IGF2BP3: variants seen among roughly 807,000 people sequenced by gnomAD.
IGF2BP3 encodes the protein insulin-like growth factor 2 mRNA-binding protein 3.
IGF2BP3 carries 9 observed loss-of-function variants against 73.8 expected under a neutral mutation model. That is an observed-to-expected ratio of 0.12 (90% CI 0.07 to 0.21). The LOEUF is 0.21. IGF2BP3 is among the 10% of genes least tolerant of loss of function. The pLI is 1.00. For missense variants in IGF2BP3, 542 were observed against 714.0 expected (o/e 0.76, Z 2.75); for synonymous variants, 258 against 256.7 (o/e 1.01, Z -0.05).
At chr7:23,390,690 T>C (rs1225270292) in intron 3 of IGF2BP3, among the ~76,000 whole-genome samples, 19 of 152,138 alleles carry the variant, frequency 1.2e-4, no homozygotes, top group Admixed American at 1.2e-3. Context: ...AGCTTGTGTA[T>C]AGGCAGCACA....
Position 23,470,144 on chromosome 7 carries a change from G to GA in IGF2BP3, c.-35dup, listed in dbSNP as rs760359723. The stretch of plus-strand genomic sequence containing the variant: ...GTGGTTGTTTAAAAAAAAATAACGA[G>GA]AAAAAACGAAAAATTAAAACCACCC... On this transcript the variant is annotated 5_prime_UTR_variant, in exon 1 of 15. Coordinates refer to ENST00000258729, the MANE Select transcript of IGF2BP3 (RefSeq NM_006547.3). 8 of 1,550,518 alleles carry GA rather than the reference G, an allele frequency of 5.2e-6. No homozygotes were observed. The Admixed American group carries it at 1.4e-4, about 26-fold the overall frequency.
intron 7 of IGF2BP3, among the ~76,000 whole-genome samples, chr7:23,346,546 C>G (rs536428616): frequency 6.6e-6 from 1 of 151,768 alleles, no homozygotes; most frequent in African/African-American, 2.4e-5. Context: ...ATATATAAAA[C>G]TGTTTAAAAT....
At chr7:23,401,841 T>C (rs1446859747) in intron 3 of IGF2BP3, among the ~76,000 whole-genome samples, 1 of 151,864 alleles carries the variant, frequency 6.6e-6, no homozygotes, top group Non-Finnish European at 1.5e-5. Context: ...GGCTGAAACC[T>C]GTAAAGCCTG....
At chr7:23,429,556 T>C (rs1584034851) in intron 2 of IGF2BP3, among the ~76,000 whole-genome samples, 1 of 152,174 alleles carries the variant, frequency 6.6e-6, no homozygotes, top group Non-Finnish European at 1.5e-5. Flanking sequence ...CACAAAAAAG[T>C]ATAGATTGCA....
chr7:23,440,059 C>T (rs571502264), intron 2 of IGF2BP3, among the ~76,000 whole-genome samples: 2 of 152,158 alleles, frequency 1.3e-5, no homozygotes, highest in African/African-American at 2.4e-5. Flanking sequence ...GTCAGGAGAT[C>T]GAGACCATCC....
chr7:23,455,837 C>A (rs1446234921), intron 2 of IGF2BP3, among the ~76,000 whole-genome samples: 1 of 152,186 alleles, frequency 6.6e-6, no homozygotes, highest in East Asian at 1.9e-4. Context: ...AGGCGCCCGC[C>A]ACAACGCCCG....
chr7:23,367,056 G>A (rs1390938288), intron 3 of IGF2BP3, among the ~76,000 whole-genome samples: 1 of 143,086 alleles, frequency 7.0e-6, no homozygotes, highest in Non-Finnish European at 1.5e-5. Context: ...TTGGCTCACT[G>A]CAACCTCCGC....
intron 3 of IGF2BP3, among the ~76,000 whole-genome samples, chr7:23,408,283 T>C (rs1786910232): frequency 6.6e-6 from 1 of 152,194 alleles, no homozygotes; most frequent in Non-Finnish European, 1.5e-5. Context: ...AATAAAACTA[T>C]GCCCATTTGA....
chr7:23,455,695 T>TG (rs2128549832), intron 2 of IGF2BP3, among the ~76,000 whole-genome samples: 1 of 65,452 alleles, frequency 1.5e-5, no homozygotes, highest in East Asian at 2.1e-4. Flanking sequence ...GGTCTTACTA[T>TG]TTTTTTTGGA....
chr7:23,423,543 A>G (rs1227788459), intron 2 of IGF2BP3, among the ~76,000 whole-genome samples: 2 of 152,170 alleles, frequency 1.3e-5, no homozygotes, highest in African/African-American at 4.8e-5. Context: ...TAGGATGCAC[A>G]CTCCATAACA....
At chr7:23,429,135 G>T (rs1787603473) in intron 2 of IGF2BP3, among the ~76,000 whole-genome samples, 1 of 152,118 alleles carries the variant, frequency 6.6e-6, no homozygotes. Context: ...CATTAGATTG[G>T]TTATTGCTTC....
Position 23,345,927 on chromosome 7 carries a change from A to C in IGF2BP3, c.941+13T>G, listed in dbSNP as rs1366045429. 4 of 1,609,946 alleles carry C rather than the reference A, an allele frequency of 2.5e-6. No homozygotes were observed. Among genetic ancestry groups the C allele is most frequent in the Non-Finnish European group, 3.4e-6 (4 of 1,179,504 alleles). On this transcript the variant is annotated intron_variant, in intron 8 of 14. Coordinates refer to ENST00000258729, the MANE Select transcript of IGF2BP3 (RefSeq NM_006547.3). ...TGGAAAGTTTTCTTATTCAAAAGCA[A>C]AGGAGCACTCACGGAGATATCGTGA...
chr7:23,315,125 T>C (rs1301551187), intron 12 of IGF2BP3, among the ~76,000 whole-genome samples: 1 of 151,324 alleles, frequency 6.6e-6, no homozygotes, highest in Non-Finnish European at 1.5e-5. Context: ...TTTTTTATTT[T>C]TTTATTTTAT....
At chr7:23,364,297 C>T (rs1785309704) in intron 3 of IGF2BP3, among the ~76,000 whole-genome samples, 1 of 151,998 alleles carries the variant, frequency 6.6e-6, no homozygotes, top group East Asian at 1.9e-4. Flanking sequence ...CTGCTTGAAC[C>T]CAGGAGGCGG....
chr7:23,398,885 T>G (rs1198321175), intron 3 of IGF2BP3, among the ~76,000 whole-genome samples: 2 of 152,258 alleles, frequency 1.3e-5, no homozygotes, highest in Non-Finnish European at 2.9e-5. Context: ...TGGTAGTTTC[T>G]TTTGTTGTGC....
intron 2 of IGF2BP3, among the ~76,000 whole-genome samples, chr7:23,454,269 T>C (rs545386944): frequency 6.6e-6 from 1 of 152,208 alleles, no homozygotes; most frequent in Non-Finnish European, 1.5e-5. Context: ...TGATCTCTCC[T>C]AAGATAATTC....
chr7:23,452,825 C>T (rs1344077087), intron 2 of IGF2BP3, among the ~76,000 whole-genome samples: 1 of 142,464 alleles, frequency 7.0e-6, no homozygotes, highest in Admixed American at 7.2e-5. Context: ...AAGTGGGGGG[C>T]GCACAGGGCT....
chr7:23,434,016 T>A (rs1274385358), intron 2 of IGF2BP3, among the ~76,000 whole-genome samples: 1 of 150,466 alleles, frequency 6.6e-6, no homozygotes, highest in African/African-American at 2.5e-5. Flanking sequence ...AGGCAGAGGT[T>A]ACAGTGAGAC....
rs1788687354 is a variant in IGF2BP3 at position 23,470,316 on chromosome 7, GAGAA to G, written c.-210_-207del. ...TTCCTTGTCTAGATGTGTTTTAAAAGAGAAAGAAAAGAAAAAGCCTAGCTACAAC... is the reference window on the plus strand; with the variant it reads ...TTCCTTGTCTAGATGTGTTTTAAAAGAGAAAAGAAAAAGCCTAGCTACAAC... On this transcript the variant is annotated 5_prime_UTR_variant, in exon 1 of 15. Transcript: ENST00000258729. 2 of 401,808 alleles carry G rather than the reference GAGAA, an allele frequency of 5.0e-6. No individual in the cohort carries two copies. The highest frequency in any genetic ancestry group is 1.2e-4 in the South Asian group (2 of 16,514). 24.9% of individuals were successfully genotyped at this position (401,808 alleles called of 1,614,324 possible).
Sources: gnomAD v4.1 joint callset for allele counts (sites outside exome capture counted in the v4.1 genomes callset) on GRCh38, gnomAD v4.1.1 for gene constraint, MANE v1.5 for transcripts, NCBI Gene and HGNC (gene_info 2026-07-23, HGNC 2026-07-21) for gene names.